STRBP: variants seen among roughly 807,000 people sequenced by gnomAD.
STRBP encodes spermatid perinuclear RNA-binding protein.
A neutral mutation model predicts 80.1 loss-of-function variants in STRBP; 13 were observed. That is an observed-to-expected ratio of 0.16 (90% CI 0.11 to 0.26). STRBP has a LOEUF of 0.26. Among genes scored for constraint, STRBP ranks in the 10% least tolerant of loss-of-function variants. The pLI is 1.00. For missense variants in STRBP, 485 were observed against 815.2 expected, an observed-to-expected ratio of 0.59 and a Z score of 4.93; for synonymous variants, 284 against 291.2, an observed-to-expected ratio of 0.98 and a Z score of 0.25.
chr9:123,201,336 A>G (rs1200441271), intron 2 of STRBP, among the ~76,000 whole-genome samples: 1 of 152,132 alleles, frequency 6.6e-6, no homozygotes, highest in Non-Finnish European at 1.5e-5. Context: ...ATTCTGATGT[A>G]GGCATTTAGT....
chr9:123,162,235 T>A (rs2037552405), intron 6 of STRBP, among the ~76,000 whole-genome samples: 1 of 152,136 alleles, frequency 6.6e-6, no homozygotes, highest in African/African-American at 2.4e-5. Flanking sequence ...TTTTTCTTTT[T>A]TTTTTTTGAG....
chr9:123,177,779 C>T (rs1038767126), intron 4 of STRBP, among the ~76,000 whole-genome samples: 1 of 151,982 alleles, frequency 6.6e-6, no homozygotes, highest in Non-Finnish European at 1.5e-5. Context: ...GTAAAAATAG[C>T]AAATCTTATG....
intron 17 of STRBP, among the ~76,000 whole-genome samples, chr9:123,130,606 C>T (rs545776302): frequency 4.0e-4 from 61 of 152,114 alleles, no homozygotes; most frequent in Non-Finnish European, 7.8e-4. Context: ...CTCTATAACC[C>T]GCCTATTATT....
Position 123,252,909 on chromosome 9 carries a change from G to A in STRBP, c.-302+15527C>T, listed in dbSNP as rs377715920. On this transcript the variant is annotated intron_variant, in intron 1 of 18. Coordinates refer to ENST00000348403, the MANE Select transcript of STRBP (RefSeq NM_018387.5). ...GTAGAAAAGTGACAAGGTTTATGAG[G>A]TGACTTACTAGGGGCTTTCAAAGGA... Among the ~76,000 whole-genome samples the A allele has an allele frequency of 1.4e-4, 21 of 152,282 alleles. No homozygotes were observed. In the East Asian group the frequency reaches 1.5e-3, roughly 11 times the overall value.
intron 8 of STRBP, 52 bp from the exon 9 acceptor site, chr9:123,159,259 TC>T: frequency 7.6e-7 from 1 of 1,318,492 alleles, no homozygotes; most frequent in Non-Finnish European, 1.1e-6. Context: ...TTAAAAGGAT[TC>T]CAGTTAAATG....
intron 2 of STRBP, among the ~76,000 whole-genome samples, chr9:123,198,364 C>T (rs1249250142): frequency 6.6e-6 from 1 of 152,090 alleles, no homozygotes; most frequent in Non-Finnish European, 1.5e-5. Flanking sequence ...TCTTTAACTC[C>T]TGACATCAGG....
In STRBP at chr9:123,110,386, TG is replaced by T. The variant is rs1321264745; in HGVS notation, c.*85-634del. The T allele has an allele frequency of 1.2e-5, 2 of 168,696 alleles. No homozygotes were observed. Among genetic ancestry groups the T allele is most frequent in the African/African-American group, 2.4e-5 (1 of 41,518 alleles). The allele number at this position is 168,696 out of a possible 1,614,324, so 10.4% of individuals were successfully genotyped here. ...ACAGGCCCATCAGCCTCACTGTTCC[TG>T]GAAGTACGATTGCCCTAATTTATGG... On this transcript the variant is annotated intron_variant and NMD_transcript_variant, in intron 3 of 3. Transcript: ENST00000471564. This position sits in a 1 kb window ranked among gnomAD's most constrained non-coding sequence, Gnocchi z 4.1.
intron 13 of STRBP, 134 bp from the exon 14 acceptor site, chr9:123,139,821 C>T (rs1237819967): frequency 2.4e-6 from 2 of 843,572 alleles, no homozygotes; most frequent in South Asian, 1.7e-5. Context: ...CAAGATGGTA[C>T]TAAATCTGTA....
At chr9:123,168,172 A>C (rs1489933188) in intron 6 of STRBP, 1 of 963,376 alleles carries the variant, frequency 1.0e-6, no homozygotes, top group African/African-American at 1.8e-5. Context: ...TAGAGGGTCA[A>C]GTAGAACACA....
chr9:123,178,934 C>T (rs1588051422), intron 4 of STRBP, 73 bp downstream of exon 4: 2 of 1,429,272 alleles, frequency 1.4e-6, no homozygotes, highest in Non-Finnish European at 2.0e-6. Context: ...GCATAACACA[C>T]ACTCAATCCA....
At chr9:123,255,303 C>G (rs1401741618) in intron 1 of STRBP, among the ~76,000 whole-genome samples, 3 of 152,204 alleles carry the variant, frequency 2.0e-5, no homozygotes, top group African/African-American at 7.2e-5. Flanking sequence ...TCCAATGTGG[C>G]TCTATGTCCT....
chr9:123,149,682 G>GC (rs1269099965), intron 11 of STRBP, among the ~76,000 whole-genome samples: 9 of 152,106 alleles, frequency 5.9e-5, no homozygotes, highest in African/African-American at 2.2e-4. Context: ...CATTTCTGAG[G>GC]CAACAATTTT....
chr9:123,160,362 C>T lies in STRBP; in HGVS notation c.723+5G>A. On this transcript the variant is annotated splice_donor_5th_base_variant and intron_variant, in intron 8 of 18. Coordinates refer to ENST00000348403, the MANE Select transcript of STRBP (RefSeq NM_018387.5). Reference sequence around the variant, plus strand: ...ATTTGCTTTTAGCCATATTTAAGTACTTACCCATCCTTTCAATGGTGCCCA... The same window carrying T: ...ATTTGCTTTTAGCCATATTTAAGTATTTACCCATCCTTTCAATGGTGCCCA... The T allele has an allele frequency of 6.3e-7, 1 of 1,579,240 alleles. No homozygotes were observed. The highest frequency in any genetic ancestry group is 8.6e-7 in the Non-Finnish European group (1 of 1,156,128).
chr9:123,176,217 C>T (rs1002804266), intron 4 of STRBP, among the ~76,000 whole-genome samples: 4 of 152,128 alleles, frequency 2.6e-5, no homozygotes, highest in Non-Finnish European at 4.4e-5. Flanking sequence ...TTTTCTTTCA[C>T]TTTCACCACA....
rs191267985 is a variant in STRBP at position 123,115,219 on chromosome 9, C to G, written c.*84+710G>C. On this transcript the variant is annotated intron_variant and NMD_transcript_variant, in intron 3 of 3. Transcript: ENST00000471564. This position sits in a 1 kb window ranked among gnomAD's most constrained non-coding sequence, Gnocchi z 5.0. ...GGCACACTCTCTCTGTGCATGCATG[C>G]CAGGCCCGCCTCTGACTCCCCTCCT... 0.015 allele frequency: 6,897 copies of G among 471,190 alleles called. 91 individuals are homozygous for G. The highest frequency in any genetic ancestry group is 0.02 in the Non-Finnish European group (4,469 of 227,042). The allele number at this position is 471,190 out of a possible 1,614,324, so 29.2% of individuals were successfully genotyped here.
chr9:123,165,017 TCA>T (rs2037692338), intron 6 of STRBP, among the ~76,000 whole-genome samples: 1 of 152,078 alleles, frequency 6.6e-6, no homozygotes, highest in Admixed American at 6.5e-5. Context: ...GCACGGTGGC[TCA>T]CACCTGTAAT....
chr9:123,206,880 C>T (rs1207405367), intron 2 of STRBP, among the ~76,000 whole-genome samples: 4 of 152,076 alleles, frequency 2.6e-5, no homozygotes, highest in Admixed American at 6.5e-5. Flanking sequence ...TCAGGTGATC[C>T]GCCCACCTTG....
intron 13 of STRBP, among the ~76,000 whole-genome samples, chr9:123,141,860 T>C (rs886579594): frequency 6.6e-6 from 1 of 152,234 alleles, no homozygotes; most frequent in Non-Finnish European, 1.5e-5. Context: ...CAGTATTTAC[T>C]AGCATATGCT....
chr9:123,128,292 A>G (rs1197072183), intron 17 of STRBP, 34 bp from the exon 18 acceptor site: 5 of 1,614,030 alleles, frequency 3.1e-6, no homozygotes, highest in Non-Finnish European at 4.2e-6. Flanking sequence ...GATCAGTCCA[A>G]GACCCAGGGC....
Sources: allele counts gnomAD v4.1 joint callset (sites outside exome capture counted in the v4.1 genomes callset), GRCh38; gene constraint gnomAD v4.1.1; non-coding constraint Gnocchi (gnomAD v3.1); transcripts MANE v1.5; gene names NCBI Gene and HGNC (gene_info 2026-07-23, HGNC 2026-07-21).